COL15A1: variants seen among roughly 807,000 people sequenced by gnomAD.
The protein encoded by COL15A1 is collagen alpha-1(XV) chain.
In COL15A1, 111 loss-of-function variants were observed where a neutral mutation model predicts 165.9. The ratio of observed to expected loss-of-function variants is 0.67; its 90% CI spans 0.57 to 0.78. The LOEUF is 0.78. Among genes scored for constraint, COL15A1 ranks in the 30% least tolerant of loss-of-function variants. COL15A1 has a pLI of 0.00. For missense variants in COL15A1, 1,745 were observed against 1,789.7 expected, an observed-to-expected ratio of 0.98 and a Z score of 0.45; for synonymous variants, 659 against 674.8, an observed-to-expected ratio of 0.98 and a Z score of 0.36.
rs1257984936 is a variant in COL15A1 at position 99,025,886 on chromosome 9, G to A, written c.1981-18G>A. 2 of 1,611,250 alleles carry A rather than the reference G, an allele frequency of 1.2e-6. No homozygotes were observed. The highest frequency in any genetic ancestry group is 2.7e-5 in the African/African-American group (2 of 74,900). On this transcript the variant is annotated intron_variant, in intron 15 of 41. Transcript: ENST00000375001. ...TTAGCAGAAATGTTGTGGGTTGATTGTCACTGATGTTCCCCAGGGCCCTGA... is the reference window on the plus strand; with the variant it reads ...TTAGCAGAAATGTTGTGGGTTGATTATCACTGATGTTCCCCAGGGCCCTGA...
chr9:99,022,998 G>A (rs1839053533), intron 13 of COL15A1, among the ~76,000 whole-genome samples: 1 of 152,182 alleles, frequency 6.6e-6, no homozygotes, highest in African/African-American at 2.4e-5. Context: ...GCATCTCACT[G>A]AGACCTTGAC....
chr9:99,069,024 G>A (rs1405868226), intron 41 of COL15A1, among the ~76,000 whole-genome samples: 2 of 152,214 alleles, frequency 1.3e-5, no homozygotes, highest in African/African-American at 2.4e-5. Flanking sequence ...TGCAACTCCT[G>A]GGGATCCTGT....
chr9:99,059,777 T>G, intron 35 of COL15A1, 112 bp from the exon 36 acceptor site: 2 of 1,175,892 alleles, frequency 1.7e-6, no homozygotes, highest in Non-Finnish European at 2.4e-6. Flanking sequence ...TTGGGATGCT[T>G]TGTGGCGCTG....
At chr9:99,008,816 G>T (rs1838802881) in intron 9 of COL15A1, among the ~76,000 whole-genome samples, 1 of 151,906 alleles carries the variant, frequency 6.6e-6, no homozygotes, top group South Asian at 2.1e-4. Flanking sequence ...CACCATGTTG[G>T]TCAGGCTGGT....
chr9:99,034,520 G>A (rs569033418), intron 16 of COL15A1, 29 bp from the exon 17 acceptor site: 1 of 1,475,460 alleles, frequency 6.8e-7, no homozygotes, highest in Non-Finnish European at 9.1e-7. Context: ...GCATTAATTG[G>A]TCCATGTTTT....
At chr9:99,043,624 G>A (rs1354396207) in intron 24 of COL15A1, among the ~76,000 whole-genome samples, 2 of 152,126 alleles carry the variant, frequency 1.3e-5, no homozygotes, top group African/African-American at 4.8e-5. Context: ...GGAGTGGTAA[G>A]ATCTAAATAC....
Position 99,040,774 on chromosome 9 carries a change from C to T in COL15A1, c.2511+218C>T, listed in dbSNP as rs994616115. 3.4e-5 allele frequency: 25 copies of T among 745,964 alleles called. No individual in the cohort carries two copies. In the Middle Eastern group the frequency reaches 1.1e-3, roughly 33 times the overall value. 46.2% of individuals were successfully genotyped at this position (745,964 alleles called of 1,614,324 possible). ...GCTCAAGAAATCCATCTGCGTCAGC[C>T]TCCCAAAGTGCTGGGATTACAAGCA... On this transcript the variant is annotated intron_variant, in intron 23 of 41. Transcript: ENST00000375001.
intron 2 of COL15A1, among the ~76,000 whole-genome samples, chr9:98,984,068 A>T (rs1838270546): frequency 6.6e-6 from 1 of 152,222 alleles, no homozygotes; most frequent in Non-Finnish European, 1.5e-5. Flanking sequence ...GCCATCAATC[A>T]GTCTGCCTTG....
rs1359283746 is a variant in COL15A1, at chr9:98,986,029, C to A, written c.565C>A (p.Arg189=). 6.2e-7 allele frequency: 1 copy of A among 1,614,112 alleles called. No individual in the cohort carries two copies. The highest frequency in any genetic ancestry group is 8.5e-7 in the Non-Finnish European group (1 of 1,180,012). ...CEEHSRIPFQ[R]SSQALAFESS... is the part of the protein sequence containing the mutation. ...GGAGCACAGCCGCATCCCCTTCCAG[C>A]GGTCCTCCCAGGCTTTGGCTTTTGA... The change falls in exon 3 of 42, where the codon CGG becomes AGG. Residue 189 remains arginine (R), a synonymous_variant. Transcript: ENST00000375001.
rs373124817 is a variant in COL15A1, at chr9:99,001,745, G to A, written c.1065+794G>A. 4.6e-5 allele frequency among the ~76,000 whole-genome samples: 7 copies of A among 152,176 alleles called. No homozygotes were observed. The South Asian group carries it at 1.5e-3, about 32-fold the overall frequency. ...TAGAGCTATTTTTAACATCTGCAGG[G>A]GCTGGCCCACCTGGAGAAATGGACA... is the stretch of plus-strand genomic sequence containing the variant. On this transcript the variant is annotated intron_variant, in intron 7 of 41. Transcript: ENST00000375001.
intron 11 of COL15A1, among the ~76,000 whole-genome samples, chr9:99,018,466 G>A (rs537677853): frequency 4.6e-5 from 7 of 152,224 alleles, no homozygotes; most frequent in South Asian, 2.1e-4. Context: ...TCATAAGAGC[G>A]CATATTGCTG....
Position 98,998,792 on chromosome 9 carries a change from C to G in COL15A1, c.952+1711C>G, listed in dbSNP as rs746265700. On this transcript the variant is annotated intron_variant, in intron 6 of 41. Transcript: ENST00000375001. ...GATCCCAACGCAGCTCGCCTGTTCCCGGGATCAGCCACACTCCTTATCTAG... is the reference window on the plus strand; with the variant it reads ...GATCCCAACGCAGCTCGCCTGTTCCGGGGATCAGCCACACTCCTTATCTAG... 2.5e-3 allele frequency among the ~76,000 whole-genome samples: 385 copies of G among 152,310 alleles called. 1 individual carries two copies. Among genetic ancestry groups the G allele is most frequent in the Middle Eastern group, 0.01 (3 of 294 alleles).
intron 9 of COL15A1, among the ~76,000 whole-genome samples, chr9:99,014,970 C>T (rs750245506): frequency 2.6e-5 from 4 of 152,176 alleles, no homozygotes; most frequent in Non-Finnish European, 4.4e-5. Flanking sequence ...ACTTTGAGTT[C>T]CATCTGTCCT....
At chr9:99,063,620 G>C (rs950857496) in intron 39 of COL15A1, among the ~76,000 whole-genome samples, 3 of 152,180 alleles carry the variant, frequency 2.0e-5, no homozygotes, top group Non-Finnish European at 4.4e-5. Context: ...GTTTAAAGCA[G>C]GAAACAGGTA....
rs58933894 is a variant in COL15A1 at position 99,000,315 on chromosome 9, CATACAT to C, written c.953-502_953-497del. Among the ~76,000 whole-genome samples, 318 of 151,794 alleles carry C rather than the reference CATACAT, an allele frequency of 2.1e-3. 1 individual carries two copies. The highest frequency in any genetic ancestry group is 6.8e-3 in the Middle Eastern group (2 of 292). On this transcript the variant is annotated intron_variant, in intron 6 of 41. Transcript: ENST00000375001. ...AGCCAAGTATATAAATATATAAGCA[CATACAT>C]ATACATATACATATACATATATGTA...
Position 99,056,321 on chromosome 9 carries a change from G to T in COL15A1, c.3254G>T (p.Gly1085Val), listed in dbSNP as rs1488617646. 6.2e-7 allele frequency: 1 copy of T among 1,614,034 alleles called. No individual in the cohort carries two copies. The highest frequency in any genetic ancestry group is 1.3e-5 in the African/African-American group (1 of 75,050). ...CCCCCAGGTGCTCCTGGTCTGCCTGGGCCACCTGGCTTTGGAAGACCTGGT... is the reference window on the plus strand; with the variant it reads ...CCCCCAGGTGCTCCTGGTCTGCCTGTGCCACCTGGCTTTGGAAGACCTGGT... ...QGPPGAPGLPGPPGFGRPGDP... is the reference protein window; with the variant it reads ...QGPPGAPGLPVPPGFGRPGDP... The change falls in exon 35 of 42, where the codon GGG becomes GTG. Residue 1085 changes from glycine to valine, a missense_variant. Physicochemically the swap from Gly to Val is moderately radical, Grantham distance 109. Coordinates refer to ENST00000375001, the MANE Select transcript of COL15A1 (RefSeq NM_001855.5).
intron 24 of COL15A1, among the ~76,000 whole-genome samples, chr9:99,042,664 A>G (rs571023153): frequency 6.6e-6 from 1 of 152,356 alleles, no homozygotes; most frequent in African/African-American, 2.4e-5. Context: ...AGTAGAACAA[A>G]TGTTAATATT....
At chr9:98,996,847 T>C in intron 5 of COL15A1, 87 bp from the exon 6 acceptor site, 1 of 1,555,066 alleles carries the variant, frequency 6.4e-7, no homozygotes, top group Non-Finnish European at 8.8e-7. Flanking sequence ...CTTGTGGATA[T>C]ATTATTTTCT....
chr9:98,972,391 T>G (rs1024227055), intron 2 of COL15A1, among the ~76,000 whole-genome samples: 7 of 152,184 alleles, frequency 4.6e-5, no homozygotes, highest in Admixed American at 4.6e-4. Context: ...GACTCTGATA[T>G]GTGGCTAGGG....
Sources: allele counts gnomAD v4.1 joint callset (sites outside exome capture counted in the v4.1 genomes callset), GRCh38; gene constraint gnomAD v4.1.1; transcripts MANE v1.5; gene names NCBI Gene and HGNC (gene_info 2026-07-23, HGNC 2026-07-21).